The following ELOVL7 variants were observed in gnomAD, a reference collection of about 807,000 sequenced individuals.
ELOVL7 encodes the protein very long chain fatty acid elongase 7.
A neutral mutation model predicts 35.7 loss-of-function variants in ELOVL7; 27 were observed. That is an observed-to-expected ratio of 0.76 (90% CI 0.56 to 1.04). The LOEUF is 1.04. ELOVL7 is among the 50% of genes least tolerant of loss of function. ELOVL7 has a pLI of 0.00. For synonymous variants in ELOVL7, 113 were observed against 114.6 expected (o/e 0.99, Z 0.09); for missense variants, 327 against 340.8 (o/e 0.96, Z 0.32).
chr5:60,802,803 A>G (rs1314914582), intron 1 of ELOVL7: 2 of 152,214 alleles, frequency 1.3e-5, no homozygotes, highest in African/African-American at 2.4e-5. Context: ...CTATTTTTCA[A>G]ATGGCAATGT....
intron 1 of ELOVL7, among the ~76,000 whole-genome samples, chr5:60,836,614 G>A (rs1366426677): frequency 6.6e-6 from 1 of 152,048 alleles, no homozygotes; most frequent in Non-Finnish European, 1.5e-5. Flanking sequence ...CCCCTGAACA[G>A]ACTTAAAATA....
At chr5:60,770,953 G>T (rs976568670) in intron 4 of ELOVL7, among the ~76,000 whole-genome samples, 1 of 152,182 alleles carries the variant, frequency 6.6e-6, no homozygotes, top group Non-Finnish European at 1.5e-5. Context: ...TCTTACTTCA[G>T]CCTACCAAAG....
chr5:60,835,357 C>G (rs1321112319), intron 1 of ELOVL7, among the ~76,000 whole-genome samples: 1 of 151,910 alleles, frequency 6.6e-6, no homozygotes, highest in African/African-American at 2.4e-5. Flanking sequence ...AACAACTACA[C>G]ACACTTTTAA....
At chr5:60,815,899 A>G (rs770354028) in intron 1 of ELOVL7, among the ~76,000 whole-genome samples, 3 of 152,316 alleles carry the variant, frequency 2.0e-5, no homozygotes, top group South Asian at 4.2e-4. Flanking sequence ...TCTGAGGTCA[A>G]TGGAGTGAAA....
rs1467226220 is a variant in ELOVL7, at chr5:60,753,283, A to T, written c.*1341T>A. 3 of 152,188 alleles carry T rather than the reference A, an allele frequency of 2.0e-5. No individual in the cohort carries two copies. The highest frequency in any genetic ancestry group is 7.2e-5 in the African/African-American group (3 of 41,452). The allele number at this position is 152,188 out of a possible 1,614,324, so 9.4% of individuals were successfully genotyped here. A position where few individuals can be genotyped will look rare whatever the true frequency, so the allele number is the denominator to read the frequency against. On this transcript the variant is annotated 3_prime_UTR_variant, in exon 9 of 9. Transcript: ENST00000508821. The stretch of plus-strand genomic sequence containing the variant: ...CATGGACAAAACTCTACTGACTAAT[A>T]GTTTTGATTCTCTGACAAGAAAATG...
chr5:60,782,870 T>C (rs1291039716), intron 3 of ELOVL7, among the ~76,000 whole-genome samples: 1 of 152,224 alleles, frequency 6.6e-6, no homozygotes, highest in Non-Finnish European at 1.5e-5. Flanking sequence ...TTGACATTTA[T>C]TGCACAGCAT....
At chr5:60,843,534 G>A (rs1235788699) in intron 1 of ELOVL7, 1 of 152,416 alleles carries the variant, frequency 6.6e-6, no homozygotes, top group African/African-American at 2.4e-5. Context: ...GACAGGATGC[G>A]GCTCGGGGAG....
At chr5:60,762,472 T>G (rs916372546) in intron 7 of ELOVL7, among the ~76,000 whole-genome samples, 1 of 152,068 alleles carries the variant, frequency 6.6e-6, no homozygotes, top group South Asian at 2.1e-4. Context: ...ATTCTTGAAC[T>G]GTCAGATATT....
At chr5:60,818,413 C>G (rs1241565799) in intron 1 of ELOVL7, among the ~76,000 whole-genome samples, 1 of 149,238 alleles carries the variant, frequency 6.7e-6, no homozygotes, top group Non-Finnish European at 1.5e-5. Context: ...AAAAATCACA[C>G]AAGACAAATA....
chr5:60,823,283 C>T (rs544437941), intron 1 of ELOVL7, among the ~76,000 whole-genome samples: 5 of 151,928 alleles, frequency 3.3e-5, no homozygotes, highest in South Asian at 2.1e-4. Flanking sequence ...GAAAGAAGGG[C>T]GTGAAATAGA....
intron 7 of ELOVL7, among the ~76,000 whole-genome samples, chr5:60,760,124 C>T (rs554412734): frequency 1.3e-5 from 2 of 152,258 alleles, no homozygotes; most frequent in East Asian, 3.9e-4. Context: ...TTTATAGCAG[C>T]ATGATTTATA....
At chr5:60,827,620 G>C (rs1746244856) in intron 1 of ELOVL7, among the ~76,000 whole-genome samples, 1 of 152,140 alleles carries the variant, frequency 6.6e-6, no homozygotes. Context: ...TCATACATTT[G>C]ATGTTTGAAA....
At chr5:60,791,355 G>A (rs564277600) in intron 2 of ELOVL7, among the ~76,000 whole-genome samples, 3 of 152,162 alleles carry the variant, frequency 2.0e-5, no homozygotes, top group East Asian at 3.9e-4. Flanking sequence ...TAGACACTGG[G>A]GACTTCAAAA....
chr5:60,785,491 T>C (rs1870683), intron 3 of ELOVL7, among the ~76,000 whole-genome samples: 31,748 of 152,188 alleles, frequency 0.21, 3,914 homozygotes, highest in Non-Finnish European at 0.28. Flanking sequence ...GTATCTGGGA[T>C]AGTGACTATC....
chr5:60,802,152 C>A (rs1744683087), intron 1 of ELOVL7, among the ~76,000 whole-genome samples: 1 of 144,156 alleles, frequency 6.9e-6, no homozygotes, highest in Non-Finnish European at 1.5e-5. Flanking sequence ...CCTATTGGTT[C>A]TGTCCCTCTG....
chr5:60,844,000 C>T (rs995243540), intron 1 of ELOVL7, among the ~76,000 whole-genome samples, 160 bp downstream of exon 1: 2 of 152,100 alleles, frequency 1.3e-5, no homozygotes, highest in African/African-American at 4.8e-5. Flanking sequence ...TCCCGGGGCC[C>T]CCGCACCCGG....
At chr5:60,770,521 A>G (rs1303313107) in intron 4 of ELOVL7, among the ~76,000 whole-genome samples, 1 of 152,174 alleles carries the variant, frequency 6.6e-6, no homozygotes, top group African/African-American at 2.4e-5. Context: ...GCTGTCCCCT[A>G]AGACCATGCT....
chr5:60,820,752 C>G (rs865925240), intron 1 of ELOVL7, among the ~76,000 whole-genome samples: 1 of 152,196 alleles, frequency 6.6e-6, no homozygotes, highest in Non-Finnish European at 1.5e-5. Context: ...TTAAACTCCA[C>G]TGACCCCTTA....
chr5:60,790,058 A>T (rs1277171509), intron 2 of ELOVL7, among the ~76,000 whole-genome samples: 3 of 152,002 alleles, frequency 2.0e-5, no homozygotes, highest in Non-Finnish European at 4.4e-5. Context: ...AATCGCTTGA[A>T]CCTGGGAGGC....
Sources: allele counts gnomAD v4.1 joint callset (sites outside exome capture counted in the v4.1 genomes callset), GRCh38; gene constraint gnomAD v4.1.1; transcripts MANE v1.5; gene names NCBI Gene and HGNC (gene_info 2026-07-23, HGNC 2026-07-21).